Variants in STK4 observed in about 807,000 individuals in gnomAD.
STK4 encodes the protein serine/threonine kinase 4.
Under a neutral mutation model 64.9 loss-of-function variants are expected in STK4, and 30 were observed. That is an observed-to-expected ratio of 0.46 (90% CI 0.35 to 0.63). The LOEUF (loss-of-function observed/expected upper bound fraction) is 0.63, where lower values mean the gene tolerates loss of function less well. STK4 is among the 20% of genes least tolerant of loss of function. The pLI is 0.01. For synonymous variants in STK4, 177 were observed against 199.0 expected, an observed-to-expected ratio of 0.89 and a Z score of 0.93; for missense variants, 466 against 598.5, an observed-to-expected ratio of 0.78 and a Z score of 2.31.
chr20:45,075,214 C>G lies in STK4; in HGVS notation c.*38C>G. On this transcript the variant is annotated 3_prime_UTR_variant, in exon 11 of 11. Transcript: ENST00000372806. ...TGTGAGGGCCCCAGCTCCACCCAGG[C>G]TTTGGGTGAATTCTGGATGGCTTGC... 6.2e-7 allele frequency: 1 copy of G among 1,605,430 alleles called. No individual in the cohort carries two copies. The highest frequency in any genetic ancestry group is 1.1e-5 in the South Asian group (1 of 90,416).
In STK4 at chr20:45,039,683, C is replaced by T. The variant is rs56944194; in HGVS notation, c.1305+14553C>T. Among the ~76,000 whole-genome samples, 22 of 152,150 alleles carry T rather than the reference C, an allele frequency of 1.4e-4. No homozygotes were observed. In the East Asian group the frequency reaches 4.2e-3, roughly 29 times the overall value. ...TCAGTTAAAACAGAAGTGCTATATG[C>T]GGACTTCCCATTTCATCATAGATAC... is the stretch of plus-strand genomic sequence containing the variant. On this transcript the variant is annotated intron_variant, in intron 10 of 10. Transcript: ENST00000372806.
chr20:44,978,992 A>G (rs2067388860), intron 3 of STK4, among the ~76,000 whole-genome samples: 1 of 151,704 alleles, frequency 6.6e-6, no homozygotes, highest in Non-Finnish European at 1.5e-5. Context: ...GTAGAGATGG[A>G]ATTTCACCAT....
chr20:45,062,557 A>G (rs1420026830), intron 10 of STK4, among the ~76,000 whole-genome samples: 1 of 152,220 alleles, frequency 6.6e-6, no homozygotes. Flanking sequence ...GTGTGTAAGC[A>G]TTCTCTTTTC....
intron 9 of STK4, among the ~76,000 whole-genome samples, chr20:45,010,333 G>A (rs574728553): frequency 3.3e-5 from 5 of 152,192 alleles, no homozygotes; most frequent in East Asian, 3.9e-4. Context: ...CCAAAGTGCT[G>A]GGATTACAGT....
Position 45,000,420 on chromosome 20 carries a change from T to C in STK4, c.860T>C (p.Val287Ala), listed in dbSNP as rs747750281. Residue 287 changes from valine (V) to alanine (A), a missense_variant, in exon 8 of 11, where the codon GTG becomes GCG. This residue lies in a region of STK4 where 276 missense variants were observed against 308.9 expected (regional missense o/e 0.89). Coordinates refer to ENST00000372806, the MANE Select transcript of STK4 (RefSeq NM_006282.5). ...CCATTTGTCAGGAGTGCCAAAGGAG[T>C]GTCAATACTGCGAGACTTAATTAAT... ...QHPFVRSAKG[V>A]SILRDLINEA... 3.7e-6 allele frequency: 6 copies of C among 1,613,834 alleles called. No homozygotes were observed. In the African/African-American group the frequency reaches 5.3e-5, roughly 14 times the overall value.
intron 9 of STK4, among the ~76,000 whole-genome samples, chr20:45,024,191 C>T (rs1024821021): frequency 2.1e-4 from 32 of 151,832 alleles, no homozygotes; most frequent in Admixed American, 1.8e-3. Context: ...TGAGCCACCG[C>T]GCCTGACCCA....
intron 9 of STK4, among the ~76,000 whole-genome samples, chr20:45,023,829 A>G (rs987459491): frequency 1.3e-5 from 2 of 151,954 alleles, no homozygotes; most frequent in African/African-American, 4.8e-5. Context: ...CACAGCATGC[A>G]AGAACTGGGC....
chr20:45,072,961 T>G (rs1262988249), intron 10 of STK4, among the ~76,000 whole-genome samples: 1 of 152,234 alleles, frequency 6.6e-6, no homozygotes, highest in Non-Finnish European at 1.5e-5. Context: ...ATGTAAGTCT[T>G]AGTACCGCCC....
At chr20:45,009,296 C>T (rs999770807) in intron 9 of STK4, among the ~76,000 whole-genome samples, 7 of 152,086 alleles carry the variant, frequency 4.6e-5, no homozygotes, top group African/African-American at 1.7e-4. Context: ...ATAGGGTGTC[C>T]TTTACCCATT....
chr20:45,049,149 A>G (rs2068740957), intron 10 of STK4, among the ~76,000 whole-genome samples: 1 of 152,194 alleles, frequency 6.6e-6, no homozygotes, highest in South Asian at 2.1e-4. Flanking sequence ...CATCAAGCAG[A>G]GTTCACATTG....
At chr20:45,070,362 G>A (rs1028632184) in intron 10 of STK4, among the ~76,000 whole-genome samples, 1 of 152,196 alleles carries the variant, frequency 6.6e-6, no homozygotes, top group African/African-American at 2.4e-5. Context: ...ATGGAAAAAA[G>A]TGGTTGGGTT....
intron 10 of STK4, among the ~76,000 whole-genome samples, chr20:45,037,057 C>T (rs1568742824): frequency 6.6e-6 from 1 of 152,154 alleles, no homozygotes. Context: ...CTCCAGAGCC[C>T]ATCCTCTTAA....
chr20:44,982,000 C>T, intron 4 of STK4, 57 bp downstream of exon 4: 1 of 1,209,858 alleles, frequency 8.3e-7, no homozygotes, highest in Non-Finnish European at 1.2e-6. Flanking sequence ...ATCTTCTTTT[C>T]TCTGCCTCTT....
At chr20:45,058,352 T>G (rs1978685301) in intron 10 of STK4, among the ~76,000 whole-genome samples, 1 of 152,184 alleles carries the variant, frequency 6.6e-6, no homozygotes, top group Admixed American at 6.5e-5. Context: ...AGAAACTGAG[T>G]GCTATGTACT....
chr20:45,055,484 T>G (rs1978387096), intron 10 of STK4, among the ~76,000 whole-genome samples: 1 of 152,140 alleles, frequency 6.6e-6, no homozygotes, highest in Non-Finnish European at 1.5e-5. Context: ...TATTTGTTTC[T>G]TCTTTTTTTT....
Position 45,027,289 on chromosome 20 carries a change from GTGT to G in STK4, c.1305+2160_1305+2162del, listed in dbSNP as rs1335024288. 1.4e-4 allele frequency among the ~76,000 whole-genome samples: 21 copies of G among 152,100 alleles called. No individual in the cohort carries two copies. In the East Asian group the frequency reaches 3.9e-3, roughly 28 times the overall value. On this transcript the variant is annotated intron_variant, in intron 10 of 10. Coordinates refer to ENST00000372806, the MANE Select transcript of STK4 (RefSeq NM_006282.5). The stretch of plus-strand genomic sequence containing the variant: ...ACTAACAATACAAAAAAATCAGCCA[GTGT>G]GGTGGTGCATGCCTGTAATCCCAGC...
chr20:44,997,408 C>G (rs1177422336), intron 7 of STK4, 102 bp downstream of exon 7: 1 of 1,438,806 alleles, frequency 7.0e-7, no homozygotes, highest in African/African-American at 1.4e-5. Flanking sequence ...AAGTATAAGG[C>G]AGGCTGGGTG....
At chr20:44,973,976 G>T (rs1188571438) in intron 2 of STK4, 2 of 152,210 alleles carry the variant, frequency 1.3e-5, no homozygotes, top group Admixed American at 6.5e-5. Flanking sequence ...GATTGGGTTT[G>T]TGGAATGTCA....
chr20:45,042,778 G>T (rs1428539857), intron 10 of STK4, among the ~76,000 whole-genome samples: 1 of 152,034 alleles, frequency 6.6e-6, no homozygotes, highest in Non-Finnish European at 1.5e-5. Context: ...ACAACTCAGG[G>T]TATTGGTTGT....
Sources: gnomAD v4.1 joint callset for allele counts (sites outside exome capture counted in the v4.1 genomes callset) on GRCh38, gnomAD v4.1.1 for gene constraint, gnomAD v4.1.1 regional missense constraint, MANE v1.5 for transcripts, NCBI Gene and HGNC (gene_info 2026-07-23, HGNC 2026-07-21) for gene names.